Variants in CREB5 observed in about 807,000 individuals in gnomAD.
CREB5 encodes cyclic AMP-responsive element-binding protein 5.
Under a neutral mutation model 57.1 loss-of-function variants are expected in CREB5, and 19 were observed. The ratio of observed to expected loss-of-function variants is 0.33; its 90% confidence interval spans 0.23 to 0.49. The LOEUF (loss-of-function observed/expected upper bound fraction) is 0.49. Among genes scored for constraint, CREB5 ranks in the 20% least tolerant of loss-of-function variants. The probability of loss-of-function intolerance (pLI) is 0.99; values close to 1 mark genes in which losing one functional copy is unlikely to be tolerated. For missense variants in CREB5, 579 were observed against 671.6 expected, an observed-to-expected ratio of 0.86 and a Z score of 1.52; for synonymous variants, 238 against 238.3, an observed-to-expected ratio of 1.00 and a Z score of 0.01.
rs1204071607 is a variant in CREB5 at position 28,535,102 on chromosome 7, C to CA, written c.291+27366dup. 5.0e-5 allele frequency among the ~76,000 whole-genome samples: 7 copies of CA among 141,260 alleles called. 2 individuals carry two copies. Among genetic ancestry groups the CA allele is most frequent in the Non-Finnish European group, 9.5e-5 (6 of 62,884 alleles). 92.7% of individuals were successfully genotyped at this position (141,260 alleles called of 152,430 possible). ...GGATATTGTGGCCCCTTTGCTGTCC[C>CA]ATGGTCACCCCATCTACACCGGCTC... On this transcript the variant is annotated intron_variant, in intron 4 of 10. Transcript: ENST00000357727.
At chr7:28,801,758 TTGGAGA>T (rs1370507542) in intron 7 of CREB5, among the ~76,000 whole-genome samples, 14 of 152,078 alleles carry the variant, frequency 9.2e-5, no homozygotes, top group African/African-American at 3.1e-4. Flanking sequence ...TTGCTTAAAA[TTGGAGA>T]TGAGAAGTGT....
intron 1 of CREB5, among the ~76,000 whole-genome samples, chr7:28,365,657 G>A (rs558497345): frequency 1.3e-5 from 2 of 152,192 alleles, no homozygotes; most frequent in South Asian, 2.1e-4. Flanking sequence ...TTCCAACTGG[G>A]CATCTGGCCC....
At chr7:28,473,438 G>T (rs571847961) in intron 1 of CREB5, among the ~76,000 whole-genome samples, 128 of 152,216 alleles carry the variant, frequency 8.4e-4, no homozygotes, top group Admixed American at 2.7e-3. Context: ...TCACTTTTTT[G>T]ATTTCTGTGC....
intron 5 of CREB5, among the ~76,000 whole-genome samples, chr7:28,612,082 A>T (rs1797414692): frequency 6.6e-6 from 1 of 152,176 alleles, no homozygotes; most frequent in African/African-American, 2.4e-5. Context: ...TTCTAGAAAA[A>T]GCAGAGATGG....
intron 1 of CREB5, among the ~76,000 whole-genome samples, chr7:28,329,958 A>G (rs1296827601): frequency 6.6e-6 from 1 of 152,204 alleles, no homozygotes; most frequent in Non-Finnish European, 1.5e-5. Flanking sequence ...TCTCTTAAGG[A>G]TGGAATAATT....
chr7:28,457,947 G>A (rs960489420), intron 1 of CREB5, among the ~76,000 whole-genome samples: 2 of 152,294 alleles, frequency 1.3e-5, no homozygotes, highest in African/African-American at 2.4e-5. Context: ...AGGGTGAACA[G>A]GAGCTGTCGC....
intron 1 of CREB5, among the ~76,000 whole-genome samples, chr7:28,420,416 A>G (rs1788195472): frequency 6.6e-6 from 1 of 152,214 alleles, no homozygotes; most frequent in Non-Finnish European, 1.5e-5. Flanking sequence ...ACATAGTTGT[A>G]GTTATTTAAT....
intron 5 of CREB5, chr7:28,609,084 C>T (rs568362446): frequency 5.0e-4 from 76 of 152,268 alleles, no homozygotes; most frequent in African/African-American, 1.7e-3. Context: ...CTTTAAATAG[C>T]CTTGCAGATA....
chr7:28,745,858 G>C (rs946888431), intron 7 of CREB5, among the ~76,000 whole-genome samples: 2 of 152,204 alleles, frequency 1.3e-5, no homozygotes, highest in African/African-American at 2.4e-5. Flanking sequence ...AGACCAGCTA[G>C]GACACCTAAG....
At chr7:28,556,170 A>G (rs1794864410) in intron 4 of CREB5, among the ~76,000 whole-genome samples, 1 of 152,202 alleles carries the variant, frequency 6.6e-6, no homozygotes, top group African/African-American at 2.4e-5. Context: ...TTTGGCAGAA[A>G]GTAGAGTTGA....
At chr7:28,479,697 T>C (rs1791242693) in intron 1 of CREB5, among the ~76,000 whole-genome samples, 2 of 152,212 alleles carry the variant, frequency 1.3e-5, no homozygotes, top group South Asian at 4.1e-4. Context: ...AACCTGGGAA[T>C]GCCCCAGCTT....
chr7:28,455,871 A>G (rs937561233), intron 1 of CREB5, among the ~76,000 whole-genome samples: 4 of 152,220 alleles, frequency 2.6e-5, no homozygotes, highest in Non-Finnish European at 4.4e-5. Context: ...TGTGCCCGAC[A>G]CTGGTGGATG....
intron 5 of CREB5, among the ~76,000 whole-genome samples, chr7:28,664,323 G>T (rs548038488): frequency 6.6e-5 from 10 of 152,198 alleles, no homozygotes; most frequent in Non-Finnish European, 1.5e-4. Flanking sequence ...AGCCCTTCAA[G>T]TAAAACTTGG....
intron 4 of CREB5, among the ~76,000 whole-genome samples, chr7:28,524,523 C>T (rs1793353572): frequency 6.6e-6 from 1 of 151,914 alleles, no homozygotes; most frequent in South Asian, 2.1e-4. Flanking sequence ...GAAAAATTTG[C>T]CAATTCATGA....
In CREB5 at chr7:28,820,607, CTT is replaced by C. The variant is rs972177206; in HGVS notation, c.*1336_*1337del. 6.6e-6 allele frequency: 1 copy of C among 151,232 alleles called. No individual in the cohort carries two copies. Among genetic ancestry groups the C allele is most frequent in the Non-Finnish European group, 1.5e-5 (1 of 67,694 alleles). 9.4% of individuals were successfully genotyped at this position (151,232 alleles called of 1,614,324 possible). On this transcript the variant is annotated 3_prime_UTR_variant, in exon 11 of 11. Coordinates refer to ENST00000357727, the MANE Select transcript of CREB5 (RefSeq NM_182898.4). The stretch of plus-strand genomic sequence containing the variant: ...TGGATGAGGTGCAGGCTACTTCACT[CTT>C]TTTTTTTCTTTTTTGAGACAGAGTC...
intron 4 of CREB5, among the ~76,000 whole-genome samples, chr7:28,515,466 T>A (rs1376682477): frequency 6.6e-6 from 1 of 152,188 alleles, no homozygotes; most frequent in South Asian, 2.1e-4. Context: ...TAAATATTGG[T>A]CTCTAGCCTC....
chr7:28,732,843 G>GGTTTT (rs1803737337), intron 7 of CREB5, among the ~76,000 whole-genome samples: 1 of 141,496 alleles, frequency 7.1e-6, no homozygotes, highest in Non-Finnish European at 1.5e-5. Context: ...GTTTAGGGTT[G>GGTTTT]TTTTTTTTTT....
chr7:28,789,101 T>C (rs1437155144), intron 7 of CREB5, among the ~76,000 whole-genome samples: 4 of 152,200 alleles, frequency 2.6e-5, no homozygotes, highest in African/African-American at 9.6e-5. Flanking sequence ...ATTTGAAATG[T>C]TTCACTCAGT....
chr7:28,468,146 G>A (rs2128580500), intron 1 of CREB5, among the ~76,000 whole-genome samples: 1 of 152,332 alleles, frequency 6.6e-6, no homozygotes. Flanking sequence ...GTGAACGGCT[G>A]TGGCAGACAA....
Sources: allele counts gnomAD v4.1 joint callset (sites outside exome capture counted in the v4.1 genomes callset), GRCh38; gene constraint gnomAD v4.1.1; transcripts MANE v1.5; gene names NCBI Gene and HGNC (gene_info 2026-07-23, HGNC 2026-07-21).